ABLIM1: variants seen among roughly 807,000 people sequenced by gnomAD.
The protein encoded by ABLIM1 is actin-binding LIM protein 1.
ABLIM1 carries 40 observed loss-of-function variants against 107.0 expected under a neutral mutation model. The observed-to-expected ratio is 0.37, with a 90% CI of 0.29 to 0.49. ABLIM1 has a LOEUF of 0.49. Ranked by LOEUF, ABLIM1 falls within the 20% of genes least tolerant of loss-of-function variation. The probability of loss-of-function intolerance (pLI) is 0.97; values close to 1 mark genes in which losing one functional copy is unlikely to be tolerated. For synonymous variants in ABLIM1, 357 were observed against 357.3 expected (o/e 1.00, Z 0.01); for missense variants, 857 against 1,008.5 (o/e 0.85, Z 2.04).
At chr10:114,547,889 C>A in intron 4 of ABLIM1, 113 bp from the exon 5 acceptor site, 1 of 1,369,300 alleles carries the variant, frequency 7.3e-7, no homozygotes, top group South Asian at 1.4e-5. Context: ...AATATTTACT[C>A]AAGCACCATC....
intron 4 of ABLIM1, among the ~76,000 whole-genome samples, chr10:114,549,371 G>A (rs184738979): frequency 5.3e-4 from 80 of 152,216 alleles, no homozygotes; most frequent in Admixed American, 4.8e-3. Flanking sequence ...CAACAAGAAC[G>A]AAGCTCCGTC....
chr10:114,732,743 GA>G (rs147513443), intron 1 of ABLIM1, among the ~76,000 whole-genome samples: 1,635 of 151,752 alleles, frequency 0.011, 25 homozygotes, highest in African/African-American at 0.03. Context: ...ATTATTTCTA[GA>G]AAAAAGGAAA....
chr10:114,539,872 GT>G (rs2066448271), intron 6 of ABLIM1, among the ~76,000 whole-genome samples: 1 of 152,026 alleles, frequency 6.6e-6, no homozygotes, highest in Non-Finnish European at 1.5e-5. Context: ...CAGAAAGAAG[GT>G]GGGGGCAGGG....
chr10:114,759,978 C>T (rs1336255896), intron 1 of ABLIM1, among the ~76,000 whole-genome samples: 1 of 152,136 alleles, frequency 6.6e-6, no homozygotes, highest in East Asian at 1.9e-4. Context: ...GCCCATTTGT[C>T]CCAACCTTAA....
intron 20 of ABLIM1, 97 bp from the exon 21 acceptor site, chr10:114,439,347 C>A: frequency 2.5e-6 from 3 of 1,177,122 alleles, no homozygotes; most frequent in East Asian, 2.4e-5. Context: ...GGTCTCCAAT[C>A]CTAACCACTA....
rs548146215 is a variant in ABLIM1, at chr10:114,759,379, A to G, written c.-213+8682T>C. ...TTATGTGAAACTATATTAACCGGAA[A>G]AAATAGAGCCTTTCCCATGATAATG... On this transcript the variant is annotated intron_variant, in intron 1 of 15. Coordinates refer to the ABLIM1 transcript ENST00000651092. Among the ~76,000 whole-genome samples the G allele has an allele frequency of 8.5e-4, 129 of 152,224 alleles. 1 individual carries two copies. The highest frequency in any genetic ancestry group is 9.0e-4 in the Non-Finnish European group (61 of 68,032).
the ABLIM1 span, among the ~76,000 whole-genome samples, chr10:114,777,023 A>T: frequency 5.2e-3 from 793 of 152,250 alleles, 9 homozygotes; most frequent in African/African-American, 0.018. Context: ...AATCTTTTAA[A>T]TATTTTTTCT....
intron 1 of ABLIM1, among the ~76,000 whole-genome samples, chr10:114,748,647 G>GTT (rs869107304): frequency 7.2e-6 from 1 of 139,504 alleles, no homozygotes; most frequent in African/African-American, 2.6e-5. Context: ...AGCAACAGAA[G>GTT]TTTTTTTTTT....
chr10:114,603,764 G>C (rs1022238229), intron 1 of ABLIM1, among the ~76,000 whole-genome samples: 7 of 151,844 alleles, frequency 4.6e-5, no homozygotes, highest in African/African-American at 1.7e-4. Flanking sequence ...GACCAGCCTG[G>C]CCAACACGGT....
intron 4 of ABLIM1, among the ~76,000 whole-genome samples, chr10:114,563,385 AAGACAGACAACAGAGTTGTCTGT>A: frequency 6.6e-6 from 1 of 152,174 alleles, no homozygotes; most frequent in Non-Finnish European, 1.5e-5. Context: ...TTGTATAAGA[AAGACAGACAACAGAGTTGTCTGT>A]CCGTGAGTTT....
rs559514178 is a variant in ABLIM1, at chr10:114,547,604, C to G, written c.800+46G>C. On this transcript the variant is annotated intron_variant, in intron 5 of 22. Coordinates refer to ENST00000533213, the MANE Select transcript of ABLIM1 (RefSeq NM_002313.7). ...ACCAGGACCTGCAGAAGAACCACAA[C>G]GCCCGGTGCCCACTGAAAGGAACGC... is the stretch of plus-strand genomic sequence containing the variant. 9.3e-6 allele frequency: 15 copies of G among 1,607,272 alleles called. 1 individual carries two copies. Among genetic ancestry groups the G allele is most frequent in the Non-Finnish European group, 1.3e-5 (15 of 1,176,514 alleles).
chr10:114,496,843 G>C (rs1436297662), intron 6 of ABLIM1, among the ~76,000 whole-genome samples: 2 of 152,070 alleles, frequency 1.3e-5, no homozygotes, highest in Non-Finnish European at 2.9e-5. Context: ...GTGCAGGCTT[G>C]AGAGGCTCCA....
Position 114,436,227 on chromosome 10 carries a change from G to A in ABLIM1, c.*33C>T, listed in dbSNP as rs750589056. On this transcript the variant is annotated 3_prime_UTR_variant, in exon 23 of 23. Transcript: ENST00000533213. ...ATCCTATGGGGCACCGCCACTGTCA[G>A]TCCTTTCTCTAATTGCCATTCACGA... 49 of 1,564,926 alleles carry A rather than the reference G, an allele frequency of 3.1e-5. 1 individual carries two copies. The South Asian group carries it at 5.5e-4, about 17-fold the overall frequency.
At chr10:114,491,608 G>A (rs2059009443) in intron 7 of ABLIM1, among the ~76,000 whole-genome samples, 183 bp downstream of exon 7, 1 of 152,134 alleles carries the variant, frequency 6.6e-6, no homozygotes, top group Non-Finnish European at 1.5e-5. Flanking sequence ...CTCACTGCCA[G>A]CATGTCAACT....
intron 4 of ABLIM1, among the ~76,000 whole-genome samples, chr10:114,551,631 C>T (rs2497724): frequency 0.44 from 67,445 of 152,220 alleles, 19,817 homozygotes; most frequent in African/African-American, 0.84. Flanking sequence ...CCATGACCAA[C>T]CAGAGGCTGA....
intron 1 of ABLIM1, among the ~76,000 whole-genome samples, chr10:114,718,624 C>G (rs1340664499): frequency 6.6e-6 from 1 of 152,164 alleles, no homozygotes; most frequent in African/African-American, 2.4e-5. Context: ...CGGGGGGAAT[C>G]AGACTAGAAG....
At chr10:114,634,336 G>T (rs973984942) in intron 1 of ABLIM1, among the ~76,000 whole-genome samples, 1 of 150,464 alleles carries the variant, frequency 6.6e-6, no homozygotes, top group Non-Finnish European at 1.5e-5. Context: ...GTTTCACCTT[G>T]TTAGCCAGGA....
chr10:114,712,969 G>A (rs2081584357), intron 1 of ABLIM1, among the ~76,000 whole-genome samples: 1 of 152,084 alleles, frequency 6.6e-6, no homozygotes, highest in Non-Finnish European at 1.5e-5. Flanking sequence ...AGGATCCCTT[G>A]AGCCCAGGAG....
chr10:114,773,604 C>T, the ABLIM1 span, among the ~76,000 whole-genome samples: 1 of 152,092 alleles, frequency 6.6e-6, no homozygotes, highest in Non-Finnish European at 1.5e-5. Flanking sequence ...TGCCTGTAAT[C>T]CCAGCTACTC....
Sources: allele counts gnomAD v4.1 joint callset (sites outside exome capture counted in the v4.1 genomes callset), GRCh38; gene constraint gnomAD v4.1.1; transcripts MANE v1.5; gene names NCBI Gene and HGNC (gene_info 2026-07-23, HGNC 2026-07-21).